HNF4G: variants seen among roughly 807,000 people sequenced by gnomAD.
The protein encoded by HNF4G is hepatocyte nuclear factor 4-gamma.
In HNF4G, 21 loss-of-function variants were observed where a neutral mutation model predicts 50.9. That is an observed-to-expected ratio of 0.41 (90% CI 0.29 to 0.59). HNF4G has a LOEUF of 0.59. HNF4G is among the 20% of genes least tolerant of loss of function. HNF4G has a pLI of 0.26. For synonymous variants in HNF4G, 198 were observed against 185.6 expected (o/e 1.07, Z -0.54); for missense variants, 527 against 559.4 (o/e 0.94, Z 0.58).
chr8:75,444,588 A>G (rs1811374467), intron 1 of HNF4G, among the ~76,000 whole-genome samples: 1 of 131,484 alleles, frequency 7.6e-6, no homozygotes, highest in Non-Finnish European at 1.6e-5. Flanking sequence ...AGGAAGATCT[A>G]CCAAGCAAAT....
intron 1 of HNF4G, among the ~76,000 whole-genome samples, chr8:75,438,878 G>A (rs922448844): frequency 1.3e-5 from 2 of 151,880 alleles, no homozygotes; most frequent in Non-Finnish European, 2.9e-5. Flanking sequence ...CACGAGTAGG[G>A]TAAATATATA....
At chr8:75,445,187 C>A (rs1811395404) in intron 1 of HNF4G, among the ~76,000 whole-genome samples, 1 of 111,708 alleles carries the variant, frequency 9.0e-6, no homozygotes, top group Non-Finnish European at 1.8e-5. Flanking sequence ...CTACTGGGTA[C>A]ATAACGAAAT....
At chr8:75,544,849 TC>T (rs528361342) in intron 2 of HNF4G, among the ~76,000 whole-genome samples, 84 of 152,214 alleles carry the variant, frequency 5.5e-4, no homozygotes, top group African/African-American at 2.0e-3. Context: ...AGAATTATGT[TC>T]TTTTAAGAAC....
chr8:75,443,392 A>G (rs1334700293), intron 1 of HNF4G, among the ~76,000 whole-genome samples: 1 of 152,230 alleles, frequency 6.6e-6, no homozygotes, highest in Non-Finnish European at 1.5e-5. Context: ...TAGTATTAAT[A>G]ACTTCTGAAT....
intron 5 of HNF4G, 79 bp downstream of exon 5, chr8:75,553,276 G>C (rs1290921145): frequency 8.3e-7 from 1 of 1,211,862 alleles, no homozygotes; most frequent in Non-Finnish European, 1.2e-6. Flanking sequence ...CATATTATTT[G>C]TAATGCATAT....
At chr8:75,538,378 T>C (rs1248812766), upstream of HNF4G, among the ~76,000 whole-genome samples, 1 of 152,214 alleles carries the variant, frequency 6.6e-6, no homozygotes, top group Non-Finnish European at 1.5e-5. Flanking sequence ...TACAGCCACA[T>C]TTCTTTTAGT....
intron 2 of HNF4G, among the ~76,000 whole-genome samples, chr8:75,517,754 A>G (rs1805930930): frequency 6.6e-6 from 1 of 152,074 alleles, no homozygotes; most frequent in African/African-American, 2.4e-5. Context: ...TGCACAGTGC[A>G]AGTCTACCAT....
At chr8:75,536,460 A>T (rs1452063040), upstream of HNF4G, among the ~76,000 whole-genome samples, 1 of 151,960 alleles carries the variant, frequency 6.6e-6, no homozygotes, top group Non-Finnish European at 1.5e-5. Flanking sequence ...TTTATTTTTA[A>T]CTACTTAAGT....
intron 1 of HNF4G, among the ~76,000 whole-genome samples, chr8:75,475,947 A>C (rs11996138): frequency 1.3e-5 from 2 of 151,552 alleles, no homozygotes; most frequent in Non-Finnish European, 2.9e-5. Flanking sequence ...TATTTTTAAA[A>C]TTTTTTTTAT....
At chr8:75,513,373 T>C (rs902315995) in intron 2 of HNF4G, among the ~76,000 whole-genome samples, 1 of 152,204 alleles carries the variant, frequency 6.6e-6, no homozygotes, top group Non-Finnish European at 1.5e-5. Context: ...ATTCAGATTT[T>C]CTATTTCTTG....
At chr8:75,432,201 C>A (rs1811031115) in intron 1 of HNF4G, among the ~76,000 whole-genome samples, 1 of 151,334 alleles carries the variant, frequency 6.6e-6, no homozygotes, top group African/African-American at 2.4e-5. Flanking sequence ...ATAGGTTAAA[C>A]CATGATTGTA....
chr8:75,453,088 G>C (rs1811624915), intron 1 of HNF4G, among the ~76,000 whole-genome samples: 1 of 152,162 alleles, frequency 6.6e-6, no homozygotes. Context: ...TCTGTGACAG[G>C]CTGTTCTAAT....
At position 75,549,549 on chromosome 8, in the gene HNF4G, CTT is replaced by C. The variant is rs1043888492; in HGVS notation, c.383-1826_383-1825del. On this transcript the variant is annotated intron_variant, in intron 3 of 9. Transcript: ENST00000396423. ...TCCAACTTACAAAAACTCACTCTTT[CTT>C]TTTTTTTTTTTTCACAAAGAAGTTT... Among the ~76,000 whole-genome samples the C allele has an allele frequency of 1.3e-3, 169 of 131,512 alleles. 1 individual carries two copies. The highest frequency in any genetic ancestry group is 4.2e-3 in the African/African-American group (152 of 35,836). 86.3% of individuals were successfully genotyped at this position (131,512 alleles called of 152,430 possible). A position where few individuals can be genotyped will look rare whatever the true frequency, so the allele number is the denominator to read the frequency against.
chr8:75,504,446 C>T lies in HNF4G; in HGVS notation c.-24+14238C>T, dbSNP rs1031419718. Among the ~76,000 whole-genome samples, 17 of 152,176 alleles carry T rather than the reference C, an allele frequency of 1.1e-4. No individual in the cohort carries two copies. In the East Asian group the frequency reaches 1.5e-3, roughly 14 times the overall value. On this transcript the variant is annotated intron_variant, in intron 2 of 10. Coordinates refer to the HNF4G transcript ENST00000354370. The stretch of plus-strand genomic sequence containing the variant: ...ACTGGGATTACTAGGTCAAAAGTTA[C>T]AAGCATTTTAATAACTCTTGATATA...
intron 1 of HNF4G, among the ~76,000 whole-genome samples, chr8:75,481,385 A>G (rs978307846): frequency 3.9e-5 from 6 of 152,166 alleles, no homozygotes; most frequent in Non-Finnish European, 7.3e-5. Flanking sequence ...TTACTAGTAG[A>G]AATTCCATTT....
At chr8:75,513,036 T>C (rs1380645955) in intron 2 of HNF4G, among the ~76,000 whole-genome samples, 6 of 151,918 alleles carry the variant, frequency 3.9e-5, no homozygotes. Flanking sequence ...ACTGATAGAG[T>C]TTTTCTGTTT....
chr8:75,423,045 C>T (rs1810808717), intron 1 of HNF4G, among the ~76,000 whole-genome samples: 2 of 152,126 alleles, frequency 1.3e-5, no homozygotes, highest in Admixed American at 6.6e-5. Flanking sequence ...TTATATCTTC[C>T]TCTGTGAGAT....
intron 1 of HNF4G, among the ~76,000 whole-genome samples, chr8:75,408,880 C>T (rs1433715164): frequency 6.6e-6 from 1 of 152,194 alleles, no homozygotes; most frequent in Non-Finnish European, 1.5e-5. Flanking sequence ...ATTGAGAGCA[C>T]CATTTCCTGG....
At chr8:75,479,071 A>G (rs1812311058) in intron 1 of HNF4G, among the ~76,000 whole-genome samples, 1 of 152,182 alleles carries the variant, frequency 6.6e-6, no homozygotes. Context: ...AATATCTAGC[A>G]CAGAATTGGC....
Sources: allele counts gnomAD v4.1 joint callset (sites outside exome capture counted in the v4.1 genomes callset), GRCh38; gene constraint gnomAD v4.1.1; transcripts MANE v1.5; gene names NCBI Gene and HGNC (gene_info 2026-07-23, HGNC 2026-07-21).